Variants in DPP6 observed in about 807,000 individuals in gnomAD.
DPP6 encodes the protein dipeptidyl peptidase like 6, also known as A-type potassium channel modulatory protein DPP6.
A neutral mutation model predicts 122.6 loss-of-function variants in DPP6; 69 were observed. The ratio of observed to expected loss-of-function variants is 0.56; its 90% CI spans 0.46 to 0.69. DPP6 has a LOEUF of 0.69. DPP6 is among the 30% of genes least tolerant of loss of function. DPP6 has a pLI of 0.00. For missense variants in DPP6, 928 were observed against 1,116.9 expected (o/e 0.83, Z 2.41); for synonymous variants, 418 against 433.1 (o/e 0.97, Z 0.43).
chr7:153,830,072 G>A, the DPP6 span, among the ~76,000 whole-genome samples: 1 of 152,180 alleles, frequency 6.6e-6, no homozygotes, highest in South Asian at 2.1e-4. Flanking sequence ...GACTGAAACA[G>A]AACAAGGAAA....
chr7:153,985,460 C>G (rs765201812), intron 1 of DPP6, among the ~76,000 whole-genome samples: 4 of 152,176 alleles, frequency 2.6e-5, no homozygotes, highest in African/African-American at 9.7e-5. Context: ...CATTGCTCCC[C>G]GGGTGGCCCA....
chr7:154,608,468 C>G (rs1833710111), intron 5 of DPP6, among the ~76,000 whole-genome samples: 1 of 149,222 alleles, frequency 6.7e-6, no homozygotes, highest in South Asian at 2.2e-4. Context: ...GCTGGGACTA[C>G]AGGAGCGTGC....
the DPP6 span, among the ~76,000 whole-genome samples, chr7:153,816,319 A>G: frequency 4.2e-5 from 5 of 120,126 alleles, no homozygotes; most frequent in Non-Finnish European, 8.8e-5. Context: ...GTTAATATAT[A>G]TATTTAGTAT....
chr7:153,840,557 T>C, the DPP6 span, among the ~76,000 whole-genome samples: 1 of 152,096 alleles, frequency 6.6e-6, no homozygotes, highest in South Asian at 2.1e-4. Context: ...ATTCACTAAA[T>C]CAAAGTTTTA....
chr7:154,165,970 T>C lies in DPP6; in HGVS notation c.243+112907T>C, dbSNP rs1585532288. ...TTTAAAATGAGCAGTTTTAAGATAC[T>C]TGGTTTTGTTCCAACTAATACCTCT... On this transcript the variant is annotated intron_variant, in intron 1 of 25. Coordinates refer to ENST00000377770, the MANE Select transcript of DPP6 (RefSeq NM_130797.4). 3.3e-5 allele frequency among the ~76,000 whole-genome samples: 5 copies of C among 152,362 alleles called. No homozygotes were observed. The South Asian group carries it at 1.0e-3, about 32-fold the overall frequency.
chr7:154,163,322 G>A (rs544615117), intron 1 of DPP6, among the ~76,000 whole-genome samples: 1 of 152,192 alleles, frequency 6.6e-6, no homozygotes. Flanking sequence ...TGGACACCTG[G>A]AATCTGTGCG....
chr7:154,838,213 T>C (rs972451662), intron 16 of DPP6, among the ~76,000 whole-genome samples: 13 of 152,222 alleles, frequency 8.5e-5, no homozygotes, highest in African/African-American at 2.2e-4. Flanking sequence ...AGCTAGACGA[T>C]GTCAGGAATG....
At position 154,312,730 on chromosome 7, in the gene DPP6, T is replaced by C. The variant is rs1210242941; in HGVS notation, c.244-133484T>C. Reference sequence around the variant, plus strand: ...CTTTAAAAGGCCGAAGTCCATCTTGTGGACATGCTCATAAGATTTCTCTTG... The same window carrying C: ...CTTTAAAAGGCCGAAGTCCATCTTGCGGACATGCTCATAAGATTTCTCTTG... On this transcript the variant is annotated intron_variant, in intron 1 of 25. Transcript: ENST00000377770. Among the ~76,000 whole-genome samples the C allele has an allele frequency of 2.0e-5, 3 of 152,210 alleles. No homozygotes were observed. In the East Asian group the frequency reaches 5.8e-4, roughly 29 times the overall value.
the DPP6 span, among the ~76,000 whole-genome samples, chr7:153,876,611 C>T: frequency 4.1e-4 from 62 of 151,944 alleles, no homozygotes; most frequent in Non-Finnish European, 7.1e-4. Context: ...ATTTTATAAC[C>T]TAACATCTCA....
chr7:154,837,625 G>A (rs1411412309), intron 16 of DPP6, among the ~76,000 whole-genome samples: 3 of 152,100 alleles, frequency 2.0e-5, no homozygotes, highest in Non-Finnish European at 4.4e-5. Context: ...TCTGGTGGGC[G>A]AGGCGCTCTT....
At chr7:153,835,600 C>T in the DPP6 span, among the ~76,000 whole-genome samples, 3 of 152,164 alleles carry the variant, frequency 2.0e-5, no homozygotes, top group Admixed American at 6.5e-5. Flanking sequence ...AGGATTACAG[C>T]AGGAATTTTG....
intron 1 of DPP6, among the ~76,000 whole-genome samples, chr7:154,297,433 G>A (rs1407187528): frequency 6.6e-6 from 1 of 152,164 alleles, no homozygotes. Flanking sequence ...TTGTTTAGAT[G>A]CTCATGCACT....
At chr7:154,823,390 T>C (rs796586109) in intron 16 of DPP6, among the ~76,000 whole-genome samples, 8 of 152,180 alleles carry the variant, frequency 5.3e-5, no homozygotes, top group African/African-American at 1.9e-4. Flanking sequence ...ATAACCATAA[T>C]GCAATATGCA....
At chr7:154,159,785 A>G (rs1191457151) in intron 1 of DPP6, among the ~76,000 whole-genome samples, 1 of 152,220 alleles carries the variant, frequency 6.6e-6, no homozygotes, top group Non-Finnish European at 1.5e-5. Context: ...CAGCACTATT[A>G]GTTGGTAATA....
chr7:153,808,278 CGT>C, the DPP6 span, among the ~76,000 whole-genome samples: 93 of 134,526 alleles, frequency 6.9e-4, no homozygotes, highest in African/African-American at 2.4e-3. Flanking sequence ...TGTGTGCGCA[CGT>C]GTGTGCCTGT....
chr7:153,846,457 A>G, the DPP6 span, among the ~76,000 whole-genome samples: 1 of 152,018 alleles, frequency 6.6e-6, no homozygotes, highest in Admixed American at 6.6e-5. Context: ...AAGGTTTTTT[A>G]CATTGATGAA....
chr7:154,769,861 G>T (rs1033853513), intron 9 of DPP6, among the ~76,000 whole-genome samples: 2 of 152,100 alleles, frequency 1.3e-5, no homozygotes, highest in African/African-American at 4.8e-5. Context: ...AGTGATGAAG[G>T]TGCACCTGCC....
intron 1 of DPP6, among the ~76,000 whole-genome samples, chr7:154,002,160 A>C (rs1045721074): frequency 2.0e-5 from 3 of 152,210 alleles, no homozygotes; most frequent in Non-Finnish European, 4.4e-5. Flanking sequence ...GATGGCTCAC[A>C]TGTAGCTTGA....
At chr7:154,619,324 G>A (rs55990909) in intron 5 of DPP6, among the ~76,000 whole-genome samples, 2,612 of 152,294 alleles carry the variant, frequency 0.017, 28 homozygotes, top group Non-Finnish European at 0.026. Flanking sequence ...CGTAAGCCTC[G>A]TAGCGTTACC....
Sources: gnomAD v4.1 joint callset for allele counts (sites outside exome capture counted in the v4.1 genomes callset) on GRCh38, gnomAD v4.1.1 for gene constraint, MANE v1.5 for transcripts, NCBI Gene and HGNC (gene_info 2026-07-23, HGNC 2026-07-21) for gene names.